The following LYST variants were observed in gnomAD, a reference collection of about 807,000 sequenced individuals.
The protein encoded by LYST is lysosomal-trafficking regulator.
Under a neutral mutation model 413.6 loss-of-function variants are expected in LYST, and 192 were observed. The observed-to-expected ratio is 0.46, with a 90% CI of 0.41 to 0.52. The LOEUF is 0.52. LYST is among the 20% of genes least tolerant of loss of function. The pLI is 0.00. For missense variants in LYST, 3,815 were observed against 4,499.9 expected, an observed-to-expected ratio of 0.85 and a Z score of 4.35; for synonymous variants, 1,525 against 1,567.3, an observed-to-expected ratio of 0.97 and a Z score of 0.64.
At chr1:235,695,808 T>G (rs1284062686) in intron 46 of LYST, among the ~76,000 whole-genome samples, 4 of 151,960 alleles carry the variant, frequency 2.6e-5, no homozygotes, top group Admixed American at 2.6e-4. Flanking sequence ...AATTTTTTTT[T>G]GTATTTTTAG....
At chr1:235,822,945 G>A (rs1674921151) in intron 3 of LYST, among the ~76,000 whole-genome samples, 2 of 152,192 alleles carry the variant, frequency 1.3e-5, no homozygotes, top group Admixed American at 1.3e-4. Context: ...CAGTTAATCT[G>A]CTAACTGACT....
chr1:235,723,994 A>C lies in LYST; in HGVS notation c.9315+34T>G, dbSNP rs538615560. Reference sequence around the variant, plus strand: ...AGTTACAGTGGCCCATGAGCACTTAAACAATATATATCAATTAATAAGGGT... The same window carrying C: ...AGTTACAGTGGCCCATGAGCACTTACACAATATATATCAATTAATAAGGGT... On this transcript the variant is annotated intron_variant, in intron 39 of 52. Transcript: ENST00000389793. The C allele has an allele frequency of 4.4e-6, 7 of 1,586,134 alleles. No individual in the cohort carries two copies. In the South Asian group the frequency reaches 6.6e-5, roughly 15 times the overall value.
chr1:235,744,696 T>C (rs1384788089), intron 29 of LYST, among the ~76,000 whole-genome samples: 1 of 151,942 alleles, frequency 6.6e-6, no homozygotes, highest in African/African-American at 2.4e-5. Context: ...GTCAAGGAGT[T>C]TGAGATCAGC....
chr1:235,834,734 C>G (rs1676376359), intron 1 of LYST, among the ~76,000 whole-genome samples: 1 of 152,072 alleles, frequency 6.6e-6, no homozygotes, highest in Admixed American at 6.6e-5. Flanking sequence ...GGGTGCAGCT[C>G]CACACAGCAG....
intron 40 of LYST, 48 bp from the exon 41 acceptor site, chr1:235,716,826 A>G (rs1662883698): frequency 1.8e-6 from 2 of 1,098,802 alleles, no homozygotes; most frequent in South Asian, 2.5e-5. Context: ...GATACTGTCA[A>G]GATTAAGCTC....
Position 235,664,683 on chromosome 1 carries a change from GC to G in LYST, c.11039-63del. On this transcript the variant is annotated intron_variant, in intron 50 of 52. Transcript: ENST00000389793. The surrounding 1 kb of genome is among the most constrained non-coding windows in gnomAD (Gnocchi z 4.5). ...GTGGCTGTCTCAGAGCCCACATTTG[GC>G]CCCAGAAGGGCAACCCTGAAGGGCA... The G allele has an allele frequency of 1.3e-6, 2 of 1,562,232 alleles. No individual in the cohort carries two copies. Among genetic ancestry groups the G allele is most frequent in the Non-Finnish European group, 1.8e-6 (2 of 1,134,442 alleles).
At chr1:235,801,470 TTG>T (rs1408024055) in intron 8 of LYST, among the ~76,000 whole-genome samples, 1 of 152,022 alleles carries the variant, frequency 6.6e-6, no homozygotes, top group African/African-American at 2.4e-5. Flanking sequence ...ACCCAAATCT[TTG>T]TGAAAATAGT....
intron 1 of LYST, among the ~76,000 whole-genome samples, chr1:235,860,596 CTTTTCAGTTTGCCTTT>C (rs1158429014): frequency 6.6e-6 from 1 of 152,164 alleles, no homozygotes; most frequent in African/African-American, 2.4e-5. Context: ...AGTATGCAGA[CTTTTCAGTTTGCCTTT>C]TTTCACTTAG....
At chr1:235,705,343 G>A (rs1661892092) in intron 44 of LYST, among the ~76,000 whole-genome samples, 1 of 151,958 alleles carries the variant, frequency 6.6e-6, no homozygotes, top group African/African-American at 2.4e-5. Context: ...AAAAATTCCA[G>A]TCAGATGAGA....
In LYST at chr1:235,664,375, AT is replaced by A; in HGVS notation, c.11195+89del. 8.3e-7 allele frequency: 1 copy of A among 1,198,956 alleles called. No homozygotes were observed. Among genetic ancestry groups the A allele is most frequent in the Non-Finnish European group, 1.2e-6 (1 of 818,778 alleles). 74.3% of individuals were successfully genotyped at this position (1,198,956 alleles called of 1,614,324 possible). On this transcript the variant is annotated intron_variant, in intron 51 of 52. Transcript: ENST00000389793. This position sits in a 1 kb window ranked among gnomAD's most constrained non-coding sequence, Gnocchi z 4.5. Reference sequence around the variant, plus strand: ...GAGTTTAAATCTCTAAATACTGAATATTAATATGCCTAGATATTAAAAATTA... The same window carrying A: ...GAGTTTAAATCTCTAAATACTGAATATAATATGCCTAGATATTAAAAATTA...
chr1:235,704,712 C>T lies in LYST; in HGVS notation c.10144-1735G>A, dbSNP rs1661830721. Reference sequence around the variant, plus strand: ...TCCCATTCTGTAGGTTGTCTGTTTACTCTATTGATAGTTTTTTTTCCTGTG... The same window carrying T: ...TCCCATTCTGTAGGTTGTCTGTTTATTCTATTGATAGTTTTTTTTCCTGTG... On this transcript the variant is annotated intron_variant, in intron 44 of 52. Transcript: ENST00000389793. Among the ~76,000 whole-genome samples the T allele has an allele frequency of 2.1e-5, 3 of 146,034 alleles. No homozygotes were observed. In the South Asian group the frequency reaches 6.3e-4, roughly 31 times the overall value.
intron 42 of LYST, among the ~76,000 whole-genome samples, chr1:235,713,478 G>C (rs931607110): frequency 1.3e-5 from 2 of 152,208 alleles, no homozygotes; most frequent in African/African-American, 4.8e-5. Context: ...TTATTAAACA[G>C]TACTACTACA....
chr1:235,821,771 C>T (rs1674771759), intron 3 of LYST, among the ~76,000 whole-genome samples: 1 of 152,206 alleles, frequency 6.6e-6, no homozygotes, highest in African/African-American at 2.4e-5. Flanking sequence ...CAAAACAAGT[C>T]AATGGCAACA....
At chr1:235,672,915 A>G (rs753761665) in intron 50 of LYST, among the ~76,000 whole-genome samples, 1 of 151,946 alleles carries the variant, frequency 6.6e-6, no homozygotes, top group Non-Finnish European at 1.5e-5. Context: ...TCCACCCTTT[A>G]CTCACTCCCT....
In LYST at chr1:235,709,532, A is replaced by C. The variant is rs140553419; in HGVS notation, c.9926-224T>G. On this transcript the variant is annotated intron_variant, in intron 43 of 52. Transcript: ENST00000389793. ...TAATGCTATCATAATTAAATTTGAG[A>C]TCTTTCAACTTTATCCTTCTACCAC... 8.2e-4 allele frequency among the ~76,000 whole-genome samples: 119 copies of C among 145,024 alleles called. 3 individuals carry two copies. The East Asian group carries it at 0.021, about 26-fold the overall frequency.
At chr1:235,663,272 C>T (rs972641798) in intron 52 of LYST, among the ~76,000 whole-genome samples, 194 bp from the exon 53 acceptor site, 1 of 152,188 alleles carries the variant, frequency 6.6e-6, no homozygotes, top group Non-Finnish European at 1.5e-5. Context: ...AGTTGAGATG[C>T]TCATAAATGC....
At chr1:235,880,823 C>A (rs759051535) in intron 1 of LYST, among the ~76,000 whole-genome samples, 12 of 152,024 alleles carry the variant, frequency 7.9e-5, no homozygotes, top group Non-Finnish European at 1.5e-4. Context: ...GCATTTTTTC[C>A]TTTAAAGAAT....
intron 1 of LYST, among the ~76,000 whole-genome samples, chr1:235,836,662 T>A (rs1303390180): frequency 6.6e-6 from 1 of 152,086 alleles, no homozygotes; most frequent in Non-Finnish European, 1.5e-5. Context: ...AAAGTAAGCA[T>A]GGAAAGAGGA....
At position 235,715,331 on chromosome 1, in the gene LYST, T is replaced by C; in HGVS notation, c.9654A>G (p.Gly3218=). The change falls in exon 42 of 53, where the codon GGA becomes GGG. Residue 3218 remains glycine (G), a synonymous_variant. Coordinates refer to ENST00000389793, the MANE Select transcript of LYST (RefSeq NM_000081.4). ...GAGGCATGGGGTCATCTTCTCTGGCTCCTTTGCGGTACTCTTCCTCCAAGT... is the reference window on the plus strand; with the variant it reads ...GAGGCATGGGGTCATCTTCTCTGGCCCCTTTGCGGTACTCTTCCTCCAAGT... ...YKYLEEEYRK[G]AREDDPMPPV... The C allele has an allele frequency of 6.2e-7, 1 of 1,613,946 alleles. No individual in the cohort carries two copies. Among genetic ancestry groups the C allele is most frequent in the Non-Finnish European group, 8.5e-7 (1 of 1,179,918 alleles).
Sources: allele counts gnomAD v4.1 joint callset (sites outside exome capture counted in the v4.1 genomes callset), GRCh38; gene constraint gnomAD v4.1.1; non-coding constraint Gnocchi (gnomAD v3.1); transcripts MANE v1.5; gene names NCBI Gene and HGNC (gene_info 2026-07-23, HGNC 2026-07-21).